Variants in SHMT1 observed in about 807,000 individuals in gnomAD.
SHMT1 encodes the protein serine hydroxymethyltransferase, cytosolic.
In SHMT1, 45 loss-of-function variants were observed where a neutral mutation model predicts 49.0. That is an observed-to-expected ratio of 0.92 (90% CI 0.72 to 1.18). The LOEUF (loss-of-function observed/expected upper bound fraction) is 1.18, where lower values mean the gene tolerates loss of function less well. Ranked by LOEUF, SHMT1 falls within the 50% of genes most tolerant of loss-of-function variation. SHMT1 has a pLI of 0.00. For synonymous variants in SHMT1, 232 were observed against 246.6 expected (o/e 0.94, Z 0.55); for missense variants, 541 against 612.4 (o/e 0.88, Z 1.23).
chr17:18,362,147 A>G (rs2151615257), intron 1 of SHMT1, among the ~76,000 whole-genome samples: 1 of 152,290 alleles, frequency 6.6e-6, no homozygotes, highest in Middle Eastern at 3.4e-3. Flanking sequence ...AGGCCCAGGG[A>G]GCTAACTTGT....
intron 3 of SHMT1, among the ~76,000 whole-genome samples, chr17:18,351,347 C>T (rs1025255134): frequency 2.6e-5 from 4 of 151,610 alleles, no homozygotes; most frequent in South Asian, 2.1e-4. Context: ...GGGTTTACAC[C>T]GTATTAGCCA....
intron 4 of SHMT1, 153 bp downstream of exon 4, chr17:18,348,172 C>A: frequency 1.5e-6 from 1 of 678,562 alleles, no homozygotes; most frequent in Non-Finnish European, 2.7e-6. Flanking sequence ...TGCCTGCCTC[C>A]GCCTCCCAAA....
intron 3 of SHMT1, among the ~76,000 whole-genome samples, chr17:18,349,687 A>G (rs1206073222): frequency 6.6e-6 from 1 of 152,036 alleles, no homozygotes; most frequent in Admixed American, 6.6e-5. Flanking sequence ...CCACTGCACT[A>G]CAGCTGGAGC....
At chr17:18,333,946 AT>A (rs949797381) in intron 8 of SHMT1, among the ~76,000 whole-genome samples, 7 of 150,852 alleles carry the variant, frequency 4.6e-5, no homozygotes, top group South Asian at 4.2e-4. Flanking sequence ...CACCTGGCTA[AT>A]TTTTTTTGAG....
chr17:18,352,839 GA>G (rs1474377299), intron 3 of SHMT1, among the ~76,000 whole-genome samples: 1 of 149,892 alleles, frequency 6.7e-6, no homozygotes, highest in Non-Finnish European at 1.5e-5. Flanking sequence ...AAAAAAAAAA[GA>G]AAACACCTGG....
At chr17:18,348,229 C>G (rs758778542) in intron 4 of SHMT1, 96 bp downstream of exon 4, 1 of 862,884 alleles carries the variant, frequency 1.2e-6, no homozygotes. Flanking sequence ...CTATGGCAGT[C>G]CATGGCAGTC....
At chr17:18,330,847 T>G in intron 9 of SHMT1, 176 bp from the exon 10 acceptor site, 1 of 667,776 alleles carries the variant, frequency 1.5e-6, no homozygotes, top group Non-Finnish European at 2.7e-6. Context: ...CCTAAGAATG[T>G]GAAAGGAAGG....
intron 5 of SHMT1, chr17:18,341,126 G>T: frequency 2.5e-6 from 1 of 403,930 alleles, no homozygotes. Flanking sequence ...AAACCAAAAT[G>T]GTTACCTTCA....
intron 5 of SHMT1, among the ~76,000 whole-genome samples, chr17:18,342,979 ACAAT>A (rs1984683470): frequency 6.6e-6 from 1 of 151,356 alleles, no homozygotes; most frequent in East Asian, 1.9e-4. Flanking sequence ...AATAAATAAA[ACAAT>A]CAAACTCACA....
At chr17:18,332,596 G>A (rs1018452189) in intron 9 of SHMT1, 1 of 179,522 alleles carries the variant, frequency 5.6e-6, no homozygotes, top group African/African-American at 2.3e-5. Flanking sequence ...GTGGAAAGCT[G>A]CAGTGACTGT....
intron 3 of SHMT1, 25 bp downstream of exon 3, chr17:18,353,647 C>A: frequency 6.2e-7 from 1 of 1,613,306 alleles, no homozygotes; most frequent in Non-Finnish European, 8.5e-7. Context: ...GTGTCAGAAC[C>A]AGGCCTTTGA....
At chr17:18,347,406 G>T in intron 5 of SHMT1, 90 bp downstream of exon 5, 2 of 1,429,306 alleles carry the variant, frequency 1.4e-6, no homozygotes, top group South Asian at 1.2e-5. Flanking sequence ...TTCCTGTAGT[G>T]ACACATAAAC....
rs190605321 is a variant in SHMT1, at chr17:18,329,074, C to T, written c.1283-155G>A. Among the ~76,000 whole-genome samples, 572 of 152,186 alleles carry T rather than the reference C, an allele frequency of 3.8e-3. 5 individuals carry two copies. Among genetic ancestry groups the T allele is most frequent in the Non-Finnish European group, 6.2e-3 (420 of 68,012 alleles). On this transcript the variant is annotated intron_variant, in intron 11 of 11. Transcript: ENST00000316694. ...TTACCTCAATTACTCTGAGATGCAC[C>T]CACCCTTGGACAGATGTCCTGGGCA...
intron 5 of SHMT1, among the ~76,000 whole-genome samples, chr17:18,344,727 C>T (rs1017415216): frequency 6.6e-6 from 1 of 152,018 alleles, no homozygotes; most frequent in Non-Finnish European, 1.5e-5. Context: ...TAATAAACTG[C>T]AGATGGGGTC....
chr17:18,345,689 A>T (rs903724232), intron 5 of SHMT1, among the ~76,000 whole-genome samples: 3 of 140,368 alleles, frequency 2.1e-5, no homozygotes, highest in East Asian at 4.5e-4. Context: ...TTATTTATTT[A>T]TTTTTTTTGA....
intron 8 of SHMT1, 43 bp from the exon 9 acceptor site, chr17:18,333,331 CAT>C (rs753943626): frequency 1.7e-5 from 28 of 1,603,184 alleles, no homozygotes; most frequent in Non-Finnish European, 4.3e-6. Context: ...AGGATAGAAT[CAT>C]ACACAGATGA....
intron 9 of SHMT1, 161 bp downstream of exon 9, chr17:18,333,005 G>C (rs1447567972): frequency 1.2e-6 from 1 of 861,192 alleles, no homozygotes; most frequent in Non-Finnish European, 1.9e-6. Flanking sequence ...GAGGCAGGGG[G>C]AGGCTTTCCA....
chr17:18,338,195 G>A (rs1335884934), intron 7 of SHMT1, among the ~76,000 whole-genome samples: 1 of 151,682 alleles, frequency 6.6e-6, no homozygotes, highest in Non-Finnish European at 1.5e-5. Context: ...CCCCGTCTGG[G>A]ATGTGAGGAG....
intron 2 of SHMT1, 35 bp from the exon 3 acceptor site, chr17:18,353,852 A>T: frequency 6.2e-7 from 1 of 1,609,376 alleles, no homozygotes; most frequent in Non-Finnish European, 8.5e-7. Context: ...GATATTTGGA[A>T]ATTTTAGTTT....
Sources: gnomAD v4.1 joint callset for allele counts (sites outside exome capture counted in the v4.1 genomes callset) on GRCh38, gnomAD v4.1.1 for gene constraint, MANE v1.5 for transcripts, NCBI Gene and HGNC (gene_info 2026-07-23, HGNC 2026-07-21) for gene names.